The following STPG2 variants were observed in gnomAD, a reference collection of about 807,000 sequenced individuals.
The protein encoded by STPG2 is sperm tail PG-rich repeat containing 2, also known as sperm-tail PG-rich repeat-containing protein 2.
STPG2 carries 56 observed loss-of-function variants against 54.2 expected under a neutral mutation model. The observed-to-expected ratio is 1.03, with a 90% CI of 0.83 to 1.29. The LOEUF is 1.29. Ranked by LOEUF, STPG2 falls within the 50% of genes most tolerant of loss-of-function variation. The probability of loss-of-function intolerance (pLI) is 0.00; values close to 1 mark genes in which losing one functional copy is unlikely to be tolerated. For missense variants in STPG2, 596 were observed against 544.9 expected, an observed-to-expected ratio of 1.09 and a Z score of -0.93; for synonymous variants, 200 against 181.8, an observed-to-expected ratio of 1.10 and a Z score of -0.81.
intron 4 of STPG2, among the ~76,000 whole-genome samples, chr4:97,485,967 T>G (rs1560628833): frequency 6.6e-6 from 1 of 151,948 alleles, no homozygotes; most frequent in Non-Finnish European, 1.5e-5. Context: ...CAACAAATTG[T>G]GTTGGGATAA....
chr4:97,742,701 C>A (rs1472609103), intron 9 of STPG2, among the ~76,000 whole-genome samples: 1 of 150,008 alleles, frequency 6.7e-6, no homozygotes, highest in Non-Finnish European at 1.5e-5. Flanking sequence ...ATTTTGCTTA[C>A]GTGTGGAATA....
chr4:97,817,675 T>C (rs649866), intron 9 of STPG2, among the ~76,000 whole-genome samples: 84,336 of 151,762 alleles, frequency 0.56, 23,743 homozygotes, highest in East Asian at 0.74. Context: ...AGAAAATCTA[T>C]CCCAGAGCAT....
At chr4:97,687,245 C>G (rs1723225396) in intron 10 of STPG2, among the ~76,000 whole-genome samples, 1 of 151,920 alleles carries the variant, frequency 6.6e-6, no homozygotes, top group Non-Finnish European at 1.5e-5. Context: ...CCACCGTGCC[C>G]GGCCCTAACA....
At chr4:97,977,813 T>C (rs1487970282) in intron 6 of STPG2, among the ~76,000 whole-genome samples, 8 of 152,218 alleles carry the variant, frequency 5.3e-5, no homozygotes, top group Admixed American at 5.2e-4. Flanking sequence ...GCAGCGACTT[T>C]GGAATCAGAC....
intron 4 of STPG2, among the ~76,000 whole-genome samples, chr4:97,462,964 T>C (rs562381877): frequency 6.6e-6 from 1 of 152,252 alleles, no homozygotes; most frequent in South Asian, 2.1e-4. Flanking sequence ...AAAATTTCTT[T>C]ATCTGATTAT....
rs9884426 is a variant in STPG2, at chr4:97,465,717, T to C, written c.462+246982A>G. ...TTTTAAATCATCTCTAGATTACTTATAATACCTAATACAATGTGAATGTTA... is the reference window on the plus strand; with the variant it reads ...TTTTAAATCATCTCTAGATTACTTACAATACCTAATACAATGTGAATGTTA... On this transcript the variant is annotated intron_variant, in intron 4 of 4. Transcript: ENST00000522676. Among the ~76,000 whole-genome samples the C allele has an allele frequency of 3.6e-3, 553 of 152,222 alleles. 3 individuals are homozygous for C. The highest frequency in any genetic ancestry group is 0.013 in the African/African-American group (521 of 41,562).
intron 10 of STPG2, among the ~76,000 whole-genome samples, chr4:97,566,682 C>G (rs1293823613): frequency 6.6e-6 from 1 of 152,042 alleles, no homozygotes; most frequent in East Asian, 1.9e-4. Context: ...CACATATACA[C>G]CATGGAATAC....
At chr4:97,745,121 G>A (rs1725382075) in intron 9 of STPG2, among the ~76,000 whole-genome samples, 1 of 150,956 alleles carries the variant, frequency 6.6e-6, no homozygotes, top group Middle Eastern at 3.2e-3. Flanking sequence ...TGAAAAATTT[G>A]CCTATAATAT....
intron 4 of STPG2, among the ~76,000 whole-genome samples, chr4:97,517,582 C>T (rs1301506377): frequency 6.7e-6 from 1 of 148,420 alleles, no homozygotes; most frequent in Non-Finnish European, 1.5e-5. Context: ...AGCTTTTAAA[C>T]TTTGTATGTT....
At chr4:97,953,581 G>A (rs1348666656) in intron 7 of STPG2, among the ~76,000 whole-genome samples, 1 of 152,172 alleles carries the variant, frequency 6.6e-6, no homozygotes, top group Admixed American at 6.5e-5. Flanking sequence ...GCTTCCCTTG[G>A]TTCACACTGG....
At chr4:97,706,041 A>C (rs754436226) in intron 10 of STPG2, among the ~76,000 whole-genome samples, 18 of 152,120 alleles carry the variant, frequency 1.2e-4, no homozygotes, top group Non-Finnish European at 1.9e-4. Context: ...CAAGTGATCA[A>C]AGTGCAATTT....
At chr4:97,946,045 T>C (rs1733203835) in intron 7 of STPG2, among the ~76,000 whole-genome samples, 1 of 152,050 alleles carries the variant, frequency 6.6e-6, no homozygotes, top group Non-Finnish European at 1.5e-5. Flanking sequence ...GGTAAGGCAG[T>C]GAGACCCTGT....
chr4:97,504,786 T>C (rs1730810091), intron 4 of STPG2, among the ~76,000 whole-genome samples: 1 of 151,990 alleles, frequency 6.6e-6, no homozygotes, highest in Non-Finnish European at 1.5e-5. Context: ...CTTGACATGT[T>C]ACTTAGAAAT....
intron 10 of STPG2, among the ~76,000 whole-genome samples, chr4:97,636,471 A>G (rs900420762): frequency 5.5e-5 from 8 of 145,500 alleles, no homozygotes; most frequent in African/African-American, 2.2e-4. Flanking sequence ...AGCTAGCAGA[A>G]GGCAAGAAAT....
chr4:97,845,778 TAGG>T (rs1728931272), intron 8 of STPG2, among the ~76,000 whole-genome samples: 1 of 152,190 alleles, frequency 6.6e-6, no homozygotes, highest in Non-Finnish European at 1.5e-5. Flanking sequence ...TTGGTAATAA[TAGG>T]AGGATTTTTA....
intron 9 of STPG2, among the ~76,000 whole-genome samples, chr4:97,738,908 C>T (rs974369838): frequency 6.6e-6 from 1 of 152,048 alleles, no homozygotes; most frequent in African/African-American, 2.4e-5. Flanking sequence ...ACAGAATATA[C>T]ATTTTTTTTC....
chr4:97,536,597 C>T (rs1160969041), intron 4 of STPG2, among the ~76,000 whole-genome samples: 1 of 152,084 alleles, frequency 6.6e-6, no homozygotes, highest in Admixed American at 6.5e-5. Flanking sequence ...GCATACCAAG[C>T]AAGGAAGAGA....
At chr4:97,642,596 AG>A (rs1721795192) in intron 10 of STPG2, among the ~76,000 whole-genome samples, 1 of 151,468 alleles carries the variant, frequency 6.6e-6, no homozygotes, top group Admixed American at 6.6e-5. Context: ...GAAAAATCAA[AG>A]CAGCATATAA....
chr4:97,780,690 T>C (rs1334993740), intron 9 of STPG2, among the ~76,000 whole-genome samples: 3 of 148,590 alleles, frequency 2.0e-5, no homozygotes, highest in Non-Finnish European at 4.4e-5. Flanking sequence ...AGTAAAGCAC[T>C]TCTCAGCAAA....
Sources: allele counts gnomAD v4.1 joint callset (sites outside exome capture counted in the v4.1 genomes callset), GRCh38; gene constraint gnomAD v4.1.1; transcripts MANE v1.5; gene names NCBI Gene and HGNC (gene_info 2026-07-23, HGNC 2026-07-21).